Variants in EYS observed in about 807,000 individuals in gnomAD.
EYS encodes EGF-like photoreceptor maintenance factor, also known as protein eyes shut homolog.
A neutral mutation model predicts 282.1 loss-of-function variants in EYS; 250 were observed. The observed-to-expected ratio is 0.89, with a 90% CI of 0.80 to 0.98. EYS has a LOEUF of 0.98. Among genes scored for constraint, EYS ranks in the 50% least tolerant of loss-of-function variants. The pLI is 0.00. For synonymous variants in EYS, 1,355 were observed against 1,282.9 expected, an observed-to-expected ratio of 1.06 and a Z score of -1.20; for missense variants, 4,016 against 3,709.0, an observed-to-expected ratio of 1.08 and a Z score of -2.15.
At chr6:65,465,361 T>C (rs1764964530) in intron 5 of EYS, among the ~76,000 whole-genome samples, 1 of 151,750 alleles carries the variant, frequency 6.6e-6, no homozygotes, top group South Asian at 2.1e-4. Context: ...CCTGCAGTGT[T>C]AGCTACTTCA....
intron 33 of EYS, among the ~76,000 whole-genome samples, chr6:64,030,242 AG>A (rs1453166451): frequency 6.6e-6 from 1 of 152,152 alleles, no homozygotes; most frequent in African/African-American, 2.4e-5. Flanking sequence ...GAAGAGACAA[AG>A]AAGAAGTCGA....
At chr6:65,161,383 A>G (rs1764846631) in intron 12 of EYS, among the ~76,000 whole-genome samples, 1 of 150,908 alleles carries the variant, frequency 6.6e-6, no homozygotes, top group Non-Finnish European at 1.5e-5. Context: ...TGATATTCCC[A>G]TAGGATAATG....
chr6:64,169,600 A>G (rs1043274053), intron 31 of EYS, among the ~76,000 whole-genome samples: 6 of 152,142 alleles, frequency 3.9e-5, no homozygotes, highest in Admixed American at 3.9e-4. Context: ...AGAGAGTTGA[A>G]TGGAGACCTT....
At chr6:65,096,208 AAAC>A (rs747874229) in intron 12 of EYS, among the ~76,000 whole-genome samples, 9 of 150,912 alleles carry the variant, frequency 6.0e-5, no homozygotes, top group Admixed American at 1.3e-4. Context: ...TTTTATATAT[AAAC>A]AACAAACTAA....
chr6:64,675,436 T>TTC (rs1163841153), intron 22 of EYS, among the ~76,000 whole-genome samples: 6 of 143,276 alleles, frequency 4.2e-5, no homozygotes, highest in Non-Finnish European at 7.6e-5. Context: ...TTCTTTTTTT[T>TTC]TTTTTTTTTG....
chr6:64,148,278 T>C (rs1774587325), intron 31 of EYS, among the ~76,000 whole-genome samples: 1 of 152,222 alleles, frequency 6.6e-6, no homozygotes, highest in Non-Finnish European at 1.5e-5. Flanking sequence ...TATCCTACTT[T>C]GTATATGAAA....
Position 65,225,850 on chromosome 6 carries a change from TA to T in EYS, c.2023+70012del. Among the ~76,000 whole-genome samples, 3 of 151,744 alleles carry T rather than the reference TA, an allele frequency of 2.0e-5. No individual in the cohort carries two copies. The Middle Eastern group carries it at 0.01, about 520-fold the overall frequency. On this transcript the variant is annotated intron_variant, in intron 12 of 42. Transcript: ENST00000503581. ...GCAAAAATCCAATGCACTTTTGTAA[TA>T]AAAACACTCAAGAAACTACGAATAC... is the stretch of plus-strand genomic sequence containing the variant.
At chr6:65,613,987 A>C (rs1401060883) in intron 2 of EYS, among the ~76,000 whole-genome samples, 1 of 152,002 alleles carries the variant, frequency 6.6e-6, no homozygotes, top group Non-Finnish European at 1.5e-5. Context: ...ACTGAAAAAG[A>C]AGCAATTTAG....
At chr6:63,913,260 G>A (rs1001001827) in intron 35 of EYS, among the ~76,000 whole-genome samples, 9 of 152,112 alleles carry the variant, frequency 5.9e-5, no homozygotes, top group African/African-American at 2.2e-4. Flanking sequence ...GATTACTCCA[G>A]GCACTTGGAT....
intron 11 of EYS, among the ~76,000 whole-genome samples, chr6:65,296,952 A>G (rs1007206142): frequency 2.0e-5 from 3 of 151,578 alleles, no homozygotes; most frequent in Non-Finnish European, 4.4e-5. Context: ...AGAGACAAAG[A>G]TTTTTCACTT....
At chr6:64,889,720 T>C (rs971973384) in intron 18 of EYS, among the ~76,000 whole-genome samples, 8 of 152,088 alleles carry the variant, frequency 5.3e-5, no homozygotes, top group Non-Finnish European at 1.0e-4. Context: ...TGCCCGTCTT[T>C]ACTTTAATCT....
chr6:64,654,646 C>T (rs548431439), intron 22 of EYS, among the ~76,000 whole-genome samples: 63 of 152,232 alleles, frequency 4.1e-4, no homozygotes, highest in African/African-American at 1.4e-3. Context: ...GTTACAACAC[C>T]TGAAAAATGT....
intron 30 of EYS, among the ~76,000 whole-genome samples, chr6:64,276,174 G>A (rs1213372076): frequency 6.6e-6 from 1 of 152,136 alleles, no homozygotes; most frequent in East Asian, 1.9e-4. Context: ...GAGATTGACA[G>A]TTTGATTACT....
At chr6:65,695,939 T>A (rs1373129445) in intron 1 of EYS, among the ~76,000 whole-genome samples, 7 of 151,966 alleles carry the variant, frequency 4.6e-5, no homozygotes, top group Admixed American at 1.3e-4. Context: ...ACTTGAGCAT[T>A]TTACTCAAAT....
At position 64,365,476 on chromosome 6, in the gene EYS, C is replaced by T. The variant is rs553755700; in HGVS notation, c.6078+23214G>A. 2.0e-5 allele frequency among the ~76,000 whole-genome samples: 3 copies of T among 151,984 alleles called. No homozygotes were observed. The South Asian group carries it at 6.2e-4, about 32-fold the overall frequency. On this transcript the variant is annotated intron_variant, in intron 29 of 42. Transcript: ENST00000503581. ...CCTCTGAAGCTCTGGAAAATCAGGC[C>T]ACTTTTATGGGAGTAAGACAACGTA...
At chr6:64,734,182 G>A (rs1470405605) in intron 22 of EYS, among the ~76,000 whole-genome samples, 1 of 151,574 alleles carries the variant, frequency 6.6e-6, no homozygotes, top group Non-Finnish European at 1.5e-5. Flanking sequence ...GCCATATGGA[G>A]AAATTCTATT....
At chr6:65,276,948 A>G (rs984517947) in intron 12 of EYS, among the ~76,000 whole-genome samples, 23 of 152,344 alleles carry the variant, frequency 1.5e-4, no homozygotes, top group Non-Finnish European at 3.1e-4. Flanking sequence ...ATGTAACATA[A>G]GACATATAAC....
At chr6:63,994,404 T>C (rs1767741314) in intron 34 of EYS, among the ~76,000 whole-genome samples, 2 of 151,856 alleles carry the variant, frequency 1.3e-5, no homozygotes, top group South Asian at 4.1e-4. Context: ...TTTAAGAATG[T>C]CCCAGGAATT....
intron 41 of EYS, among the ~76,000 whole-genome samples, chr6:63,728,604 ATAGGATTCACTCTTCACG>A (rs753160936): frequency 5.3e-5 from 8 of 152,326 alleles, no homozygotes; most frequent in Non-Finnish European, 1.5e-5. Context: ...CATCATTTAC[ATAGGATTCACTCTTCACG>A]TACATTCTAT....
Sources: allele counts gnomAD v4.1 joint callset (sites outside exome capture counted in the v4.1 genomes callset), GRCh38; gene constraint gnomAD v4.1.1; transcripts MANE v1.5; gene names NCBI Gene and HGNC (gene_info 2026-07-23, HGNC 2026-07-21).